FSIP1: variants seen among roughly 807,000 people sequenced by gnomAD.
FSIP1 encodes the protein fibrous sheath-interacting protein 1.
A neutral mutation model predicts 60.9 loss-of-function variants in FSIP1; 65 were observed. That is an observed-to-expected ratio of 1.07 (90% CI 0.87 to 1.31). The LOEUF is 1.31. FSIP1 is among the 40% of genes most tolerant of loss of function. The pLI is 0.00. For missense variants in FSIP1, 675 were observed against 665.5 expected (o/e 1.01, Z -0.16); for synonymous variants, 209 against 221.2 (o/e 0.94, Z 0.49).
At chr15:39,680,618 T>G (rs1282674603) in intron 10 of FSIP1, among the ~76,000 whole-genome samples, 1 of 152,186 alleles carries the variant, frequency 6.6e-6, no homozygotes, top group Non-Finnish European at 1.5e-5. Flanking sequence ...AGCATCAAGG[T>G]ACAAGGAGCC....
intron 5 of FSIP1, among the ~76,000 whole-genome samples, chr15:39,747,060 C>T (rs1897022954): frequency 7.3e-6 from 1 of 137,672 alleles, no homozygotes; most frequent in Admixed American, 1.0e-4. Context: ...TCCTTTCTTC[C>T]TTCCTCTTTC....
intron 6 of FSIP1, among the ~76,000 whole-genome samples, chr15:39,741,310 T>A (rs1896793309): frequency 6.6e-6 from 1 of 152,222 alleles, no homozygotes; most frequent in Admixed American, 6.5e-5. Context: ...TCTTCTCCTC[T>A]CCAGTCTGGT....
chr15:39,723,123 C>T (rs936623614), intron 9 of FSIP1, among the ~76,000 whole-genome samples: 2 of 152,100 alleles, frequency 1.3e-5, no homozygotes, highest in African/African-American at 2.4e-5. Context: ...CCTAAAGAAC[C>T]TTAAAGAATA....
intron 10 of FSIP1, among the ~76,000 whole-genome samples, chr15:39,630,778 GAGTT>G (rs1215216531): frequency 6.6e-6 from 1 of 152,188 alleles, no homozygotes; most frequent in Non-Finnish European, 1.5e-5. Flanking sequence ...ATGCTTACAA[GAGTT>G]AGTTAAACTC....
chr15:39,747,412 A>G (rs1160190897), intron 5 of FSIP1: 2 of 152,166 alleles, frequency 1.3e-5, no homozygotes, highest in Non-Finnish European at 2.9e-5. Flanking sequence ...TTATAAACAT[A>G]CATTTCTTTC....
chr15:39,755,183 A>G (rs1897264621), intron 5 of FSIP1, among the ~76,000 whole-genome samples: 1 of 152,128 alleles, frequency 6.6e-6, no homozygotes, highest in Non-Finnish European at 1.5e-5. Flanking sequence ...GTTAAAGGGA[A>G]AGAGCCAGAG....
intron 10 of FSIP1, among the ~76,000 whole-genome samples, chr15:39,626,027 T>C (rs1386895561): frequency 6.6e-6 from 1 of 152,136 alleles, no homozygotes; most frequent in African/African-American, 2.4e-5. Context: ...TCAAGGAAGG[T>C]TGTGATGGGG....
At chr15:39,730,039 TA>T (rs1206666292) in intron 8 of FSIP1, among the ~76,000 whole-genome samples, 2 of 151,040 alleles carry the variant, frequency 1.3e-5, no homozygotes, top group Non-Finnish European at 3.0e-5. Context: ...GAACCTAAAA[TA>T]AAAGTATTTA....
intron 10 of FSIP1, among the ~76,000 whole-genome samples, chr15:39,648,092 G>A (rs1419494371): frequency 6.7e-6 from 1 of 148,566 alleles, no homozygotes; most frequent in Admixed American, 6.8e-5. Flanking sequence ...TGGGTGCAGC[G>A]CACAAGCATG....
intron 8 of FSIP1, among the ~76,000 whole-genome samples, chr15:39,729,875 G>C (rs1010176090): frequency 6.6e-6 from 1 of 152,066 alleles, no homozygotes; most frequent in African/African-American, 2.4e-5. Context: ...AACAGATACT[G>C]GGGCCTACTT....
intron 10 of FSIP1, among the ~76,000 whole-genome samples, chr15:39,687,301 T>C (rs1459194210): frequency 1.3e-5 from 2 of 151,904 alleles, no homozygotes; most frequent in Non-Finnish European, 2.9e-5. Flanking sequence ...ATTACAGGCA[T>C]GTGCCACCAC....
At chr15:39,677,397 T>C (rs920187447) in intron 10 of FSIP1, among the ~76,000 whole-genome samples, 8 of 151,930 alleles carry the variant, frequency 5.3e-5, no homozygotes, top group Admixed American at 1.3e-4. Context: ...GGGCTGTGAG[T>C]TAAGAACAGG....
chr15:39,692,724 T>C (rs1291015264), intron 10 of FSIP1, among the ~76,000 whole-genome samples: 1 of 151,802 alleles, frequency 6.6e-6, no homozygotes, highest in Non-Finnish European at 1.5e-5. Context: ...TGGAATGCTA[T>C]TAGAGAGAAG....
chr15:39,710,441 G>GAAAAAAAAAAA (rs397945950), intron 10 of FSIP1, among the ~76,000 whole-genome samples: 2 of 74,238 alleles, frequency 2.7e-5, no homozygotes, highest in African/African-American at 4.1e-5. Context: ...CTCTGTCTCA[G>GAAAAAAAAAAA]AAAAAAAAAA....
intron 11 of FSIP1, among the ~76,000 whole-genome samples, chr15:39,612,486 G>A (rs1243420377): frequency 6.6e-6 from 1 of 152,056 alleles, no homozygotes; most frequent in Non-Finnish European, 1.5e-5. Flanking sequence ...CTAATGGGAT[G>A]CTGACAAAAG....
chr15:39,640,912 C>CGT lies in FSIP1; in HGVS notation c.1189-22668_1189-22667insAC, dbSNP rs1892342705. 3.3e-5 allele frequency among the ~76,000 whole-genome samples: 5 copies of CGT among 152,174 alleles called. No homozygotes were observed. In the South Asian group the frequency reaches 1.0e-3, roughly 32 times the overall value. ...CAAGACTTGGCTATTGTTACAGGTG[C>CGT]ATACTACTAAATTAGGTTTTCAATC... On this transcript the variant is annotated intron_variant, in intron 10 of 11. Transcript: ENST00000350221.
chr15:39,710,230 C>A (rs1895442233), intron 10 of FSIP1, among the ~76,000 whole-genome samples: 2 of 152,034 alleles, frequency 1.3e-5, no homozygotes, highest in African/African-American at 4.8e-5. Flanking sequence ...AGCCTGTAAT[C>A]CCAGCACTCC....
At chr15:39,697,751 A>G (rs985814884) in intron 10 of FSIP1, among the ~76,000 whole-genome samples, 2 of 152,354 alleles carry the variant, frequency 1.3e-5, no homozygotes, top group African/African-American at 4.8e-5. Context: ...TGTGAAATTG[A>G]GCGTATTCTT....
intron 10 of FSIP1, among the ~76,000 whole-genome samples, chr15:39,666,742 T>C (rs1893511215): frequency 6.6e-6 from 1 of 152,198 alleles, no homozygotes; most frequent in African/African-American, 2.4e-5. Context: ...TTAGGATGCC[T>C]TTGGAATTGA....
Sources: gnomAD v4.1 joint callset for allele counts (sites outside exome capture counted in the v4.1 genomes callset) on GRCh38, gnomAD v4.1.1 for gene constraint, MANE v1.5 for transcripts, NCBI Gene and HGNC (gene_info 2026-07-23, HGNC 2026-07-21) for gene names.